The following JAK2 variants were observed in gnomAD, a reference collection of about 807,000 sequenced individuals.
JAK2 encodes Janus kinase 2, also known as tyrosine-protein kinase JAK2.
A neutral mutation model predicts 139.3 loss-of-function variants in JAK2; 86 were observed. That is an observed-to-expected ratio of 0.62 (90% CI 0.52 to 0.74). JAK2 has a LOEUF of 0.74. Among genes scored for constraint, JAK2 ranks in the 30% least tolerant of loss-of-function variants. The pLI is 0.00. For synonymous variants in JAK2, 490 were observed against 437.7 expected (o/e 1.12, Z -1.49); for missense variants, 1,421 against 1,360.3 (o/e 1.04, Z -0.70).
At chr9:5,108,759 G>T (rs1822188813) in intron 22 of JAK2, 1 of 151,866 alleles carries the variant, frequency 6.6e-6, no homozygotes, top group African/African-American at 2.4e-5. Flanking sequence ...TCTACAAACC[G>T]ATGTAAAATC....
At chr9:5,095,300 A>G (rs1820903249) in intron 22 of JAK2, among the ~76,000 whole-genome samples, 1 of 152,078 alleles carries the variant, frequency 6.6e-6, no homozygotes, top group African/African-American at 2.4e-5. Flanking sequence ...CTACGCTCAC[A>G]CTGATTTCTT....
At chr9:5,074,954 T>C (rs1343795484) in intron 14 of JAK2, among the ~76,000 whole-genome samples, 2 of 152,228 alleles carry the variant, frequency 1.3e-5, no homozygotes, top group Non-Finnish European at 2.9e-5. Flanking sequence ...GTGCTACTCC[T>C]GTGAGCACAT....
At chr9:5,081,586 T>A in intron 18 of JAK2, 139 bp from the exon 19 acceptor site, 1 of 603,992 alleles carries the variant, frequency 1.7e-6, no homozygotes, top group Non-Finnish European at 2.9e-6. Flanking sequence ...CCCATTAATA[T>A]AATTGAAACT....
chr9:5,012,072 G>A (rs1220035695), intron 2 of JAK2, among the ~76,000 whole-genome samples: 2 of 152,182 alleles, frequency 1.3e-5, no homozygotes, highest in African/African-American at 2.4e-5. Context: ...TCAGGAGTCA[G>A]GCCCCACTGA....
chr9:5,026,750 A>G (rs191916674), intron 3 of JAK2, among the ~76,000 whole-genome samples: 3 of 152,244 alleles, frequency 2.0e-5, no homozygotes, highest in East Asian at 1.9e-4. Flanking sequence ...TGTTCTATAT[A>G]TGCTTGAAAA....
At chr9:5,034,437 T>G (rs201141319) in intron 4 of JAK2, among the ~76,000 whole-genome samples, 4 of 151,746 alleles carry the variant, frequency 2.6e-5, no homozygotes, top group Non-Finnish European at 5.9e-5. Flanking sequence ...ACAGAATATA[T>G]ATTTTCAGCA....
intron 2 of JAK2, among the ~76,000 whole-genome samples, chr9:5,006,265 G>A (rs952443440): frequency 6.6e-6 from 1 of 152,110 alleles, no homozygotes. Flanking sequence ...AATTGTGAAC[G>A]GGAGTTCACT....
chr9:5,104,186 AAG>A (rs1821764679), intron 22 of JAK2, among the ~76,000 whole-genome samples: 2 of 152,272 alleles, frequency 1.3e-5, no homozygotes, highest in East Asian at 1.9e-4. Context: ...TAAAGAAGAA[AAG>A]AGAGAAGAAT....
At chr9:5,001,944 G>C (rs918579724) in intron 2 of JAK2, among the ~76,000 whole-genome samples, 1 of 151,838 alleles carries the variant, frequency 6.6e-6, no homozygotes, top group African/African-American at 2.4e-5. Flanking sequence ...AATCTAACTT[G>C]TTAAAGTCAT....
In JAK2 at chr9:5,072,706, G is replaced by A. The variant is rs535581700; in HGVS notation, c.1776+80G>A. The A allele has an allele frequency of 8.5e-5, 90 of 1,061,276 alleles. No homozygotes were observed. In the African/African-American group the frequency reaches 1.3e-3, roughly 16 times the overall value. The allele number at this position is 1,061,276 out of a possible 1,614,324, so 65.7% of individuals were successfully genotyped here. On this transcript the variant is annotated intron_variant, in intron 13 of 24. Coordinates refer to ENST00000381652, the MANE Select transcript of JAK2 (RefSeq NM_004972.4). ...TCATATGCATACAACGTACTCATGTGTGCAGCTTTTCAAAATTGTAATTTT... is the reference window on the plus strand; with the variant it reads ...TCATATGCATACAACGTACTCATGTATGCAGCTTTTCAAAATTGTAATTTT...
intron 18 of JAK2, 67 bp downstream of exon 18, chr9:5,080,750 C>T: frequency 8.1e-7 from 1 of 1,227,214 alleles, no homozygotes; most frequent in Non-Finnish European, 1.1e-6. Context: ...TGAATCATTA[C>T]TAATTTTTAA....
intron 19 of JAK2, among the ~76,000 whole-genome samples, chr9:5,084,472 T>C (rs961173080): frequency 6.6e-6 from 1 of 152,142 alleles, no homozygotes; most frequent in African/African-American, 2.4e-5. Flanking sequence ...GTGAAAATAT[T>C]CCAAAGAGGG....
intron 4 of JAK2, among the ~76,000 whole-genome samples, chr9:5,037,822 G>T (rs529497236): frequency 1.3e-5 from 2 of 152,140 alleles, no homozygotes; most frequent in Non-Finnish European, 2.9e-5. Context: ...TAACCTGCAT[G>T]TTGTGCACAT....
At chr9:5,051,501 G>GAAC (rs1817411193) in intron 6 of JAK2, among the ~76,000 whole-genome samples, 1 of 152,098 alleles carries the variant, frequency 6.6e-6, no homozygotes, top group Admixed American at 6.6e-5. Context: ...AATCTGAGTT[G>GAAC]AAGCCCACAA....
intron 4 of JAK2, chr9:5,041,351 T>TAC: frequency 1.6e-6 from 1 of 641,704 alleles, no homozygotes; most frequent in Non-Finnish European, 2.9e-6. Context: ...TACGGCGTGC[T>TAC]ACATGAGCAT....
At position 5,099,142 on chromosome 9, in the gene JAK2, AT is replaced by A. The variant is rs559536787; in HGVS notation, c.3059+8232del. 138 of 152,336 alleles carry A rather than the reference AT, an allele frequency of 9.1e-4. 1 individual carries two copies. Among genetic ancestry groups the A allele is most frequent in the African/African-American group, 3.0e-3 (125 of 41,572 alleles). The allele number at this position is 152,336 out of a possible 1,614,324, so 9.4% of individuals were successfully genotyped here. On this transcript the variant is annotated intron_variant, in intron 22 of 24. Transcript: ENST00000381652. ...TGAAGACATCCTGCACTCATGAACT[AT>A]CCCCTTATTAGGCCTCAAAACAGAT...
At chr9:5,049,628 G>T (rs191373544) in intron 5 of JAK2, among the ~76,000 whole-genome samples, 2 of 152,040 alleles carry the variant, frequency 1.3e-5, no homozygotes, top group Non-Finnish European at 2.9e-5. Context: ...CTTCTGTTTC[G>T]CTTCTAAGCT....
chr9:5,000,380 A>G (rs575203458), intron 2 of JAK2, among the ~76,000 whole-genome samples: 1 of 152,254 alleles, frequency 6.6e-6, no homozygotes, highest in Non-Finnish European at 1.5e-5. Context: ...TAAGAAAATC[A>G]TGAAGAACAG....
intron 22 of JAK2, chr9:5,110,824 C>G: frequency 2.2e-6 from 1 of 445,188 alleles, no homozygotes; most frequent in Non-Finnish European, 4.3e-6. Context: ...CTGCATCGCC[C>G]GTTTGTTCGG....
Sources: gnomAD v4.1 joint callset for allele counts (sites outside exome capture counted in the v4.1 genomes callset) on GRCh38, gnomAD v4.1.1 for gene constraint, MANE v1.5 for transcripts, NCBI Gene and HGNC (gene_info 2026-07-23, HGNC 2026-07-21) for gene names.